Variants in ASS1 observed in about 807,000 individuals in gnomAD.
ASS1 encodes the protein argininosuccinate synthase.
ASS1 carries 58 observed loss-of-function variants against 60.5 expected under a neutral mutation model. The ratio of observed to expected loss-of-function variants is 0.96; its 90% CI spans 0.78 to 1.19. The LOEUF (loss-of-function observed/expected upper bound fraction) is 1.19. Ranked by LOEUF, ASS1 falls within the 50% of genes most tolerant of loss-of-function variation. The pLI is 0.00. For synonymous variants in ASS1, 200 were observed against 206.9 expected (o/e 0.97, Z 0.29); for missense variants, 454 against 547.3 (o/e 0.83, Z 1.70).
chr9:130,500,986 TATC>T lies in ASS1; in HGVS notation c.1208_1210del (p.His403del). 1 of 1,613,826 alleles carries T rather than the reference TATC, an allele frequency of 6.2e-7. No individual in the cohort carries two copies. The highest frequency in any genetic ancestry group is 2.2e-5 in the East Asian group (1 of 44,872). On this transcript the variant is annotated inframe_deletion, in exon 15 of 15. Transcript: ENST00000352480. ...GAATCTGGTTTACAGGCTGAAGGAA[TATC>T]ATCGTCTCCAGAGCAAGGTCACTGC...
chr9:130,445,990 T>G (rs1227094250), intron 1 of ASS1, among the ~76,000 whole-genome samples: 2 of 152,184 alleles, frequency 1.3e-5, no homozygotes, highest in Non-Finnish European at 2.9e-5. Context: ...AGCCTCCAGA[T>G]TCCCAAGCTT....
In ASS1 at chr9:130,452,307, C is replaced by A. The variant is rs543339767; in HGVS notation, c.79C>A (p.Gln27Lys). The A allele has an allele frequency of 7.4e-6, 12 of 1,614,122 alleles. No individual in the cohort carries two copies. The East Asian group carries it at 2.2e-4, about 30-fold the overall frequency. ...GTGCATCCTCGTGTGGCTGAAGGAA[C>A]AAGGCTATGACGTCATTGCCTATCT... ...TSCILVWLKE[Q>K]GYDVIAYLAN... is the part of the protein sequence containing the mutation. Residue 27 changes from glutamine (Q) to lysine (K), a missense_variant, in exon 2 of 15, where the codon CAA becomes AAA. Gln to Lys is a moderately conservative substitution (Grantham distance 53, BLOSUM62 1). Transcript: ENST00000352480.
chr9:130,452,407 G>C lies in ASS1; in HGVS notation c.105+74G>C, dbSNP rs10122141. ...TCCTGTCTGCCCCCTGCCAGCCTCT[G>C]TCTGGGTTGTCAGCCTGTCTGCTCA... is the stretch of plus-strand genomic sequence containing the variant. On this transcript the variant is annotated intron_variant, in intron 2 of 14. Transcript: ENST00000352480. 7.4e-3 allele frequency: 9,946 copies of C among 1,338,482 alleles called. 482 individuals carry two copies. The African/African-American group carries it at 0.11, about 14-fold the overall frequency. 82.9% of individuals were successfully genotyped at this position (1,338,482 alleles called of 1,614,324 possible).
intron 1 of ASS1, among the ~76,000 whole-genome samples, chr9:130,446,950 AC>A (rs1478830542): frequency 6.6e-6 from 1 of 152,232 alleles, no homozygotes; most frequent in Non-Finnish European, 1.5e-5. Flanking sequence ...CTTGGGGTCG[AC>A]CAGGCACCCA....
At position 130,458,453 on chromosome 9, in the gene ASS1, C is replaced by T; in HGVS notation, c.227C>T (p.Ala76Val). The part of the protein sequence containing the change: ...REFVEEFIWP[A>V]IQSSALYEDR... ...TTTGTGGAGGAGTTCATCTGGCCGG[C>T]CATCCAGTCCAGCGCACTGTATGAG... Residue 76 changes from alanine (A) to valine (V), a missense_variant, in exon 4 of 15, where the codon GCC becomes GTC. By Grantham distance (64) the Ala-to-Val change is moderately conservative (BLOSUM62 0). Transcript: ENST00000352480. 1 of 1,612,164 alleles carries T rather than the reference C, an allele frequency of 6.2e-7. No individual in the cohort carries two copies. The highest frequency in any genetic ancestry group is 8.5e-7 in the Non-Finnish European group (1 of 1,179,862).
intron 2 of ASS1, among the ~76,000 whole-genome samples, chr9:130,453,513 G>A (rs1157115117): frequency 1.3e-5 from 2 of 152,242 alleles, no homozygotes; most frequent in Non-Finnish European, 2.9e-5. Flanking sequence ...GCTTTGAGGG[G>A]CTGCAAAGAG....
Position 130,476,998 on chromosome 9 carries a change from C to T in ASS1, c.688+37C>T, listed in dbSNP as rs1564154537. The stretch of plus-strand genomic sequence containing the variant: ...CCTGTTGGGACTCGAAGGGGGTTGA[C>T]TTTTGGGGCCCTGGCTCCTTTCCCC... On this transcript the variant is annotated intron_variant, in intron 9 of 14. Transcript: ENST00000352480. The surrounding 1 kb of genome is among the most constrained non-coding windows in gnomAD (Gnocchi z 4.9). The T allele has an allele frequency of 6.3e-7, 1 of 1,590,060 alleles. No individual in the cohort carries two copies. Among genetic ancestry groups the T allele is most frequent in the Non-Finnish European group, 8.6e-7 (1 of 1,158,340 alleles).
At chr9:130,498,035 G>A (rs972862676) in intron 13 of ASS1, among the ~76,000 whole-genome samples, 2 of 152,064 alleles carry the variant, frequency 1.3e-5, no homozygotes, top group African/African-American at 4.8e-5. Context: ...ACATCAAGGA[G>A]GTACAGGAGC....
At chr9:130,468,270 G>A (rs1269889277) in intron 6 of ASS1, among the ~76,000 whole-genome samples, 3 of 152,156 alleles carry the variant, frequency 2.0e-5, no homozygotes, top group Non-Finnish European at 4.4e-5. Flanking sequence ...CTGCTTTCAA[G>A]ACGCTTCGGT....
rs192471968 is a variant in ASS1, at chr9:130,459,185, C to A, written c.363+596C>A. On this transcript the variant is annotated intron_variant, in intron 4 of 14. Coordinates refer to ENST00000352480, the MANE Select transcript of ASS1 (RefSeq NM_054012.4). The surrounding 1 kb of genome is among the most constrained non-coding windows in gnomAD (Gnocchi z 4.6). ...CATAGTGAGGGCATGGGCAGGGCCA[C>A]GCAGCCTCTGAAGGTGCCAGGAAGC... Among the ~76,000 whole-genome samples the A allele has an allele frequency of 1.4e-3, 212 of 152,292 alleles. No homozygotes were observed. The highest frequency in any genetic ancestry group is 4.7e-3 in the African/African-American group (194 of 41,550).
At chr9:130,483,125 G>C (rs1354828754) in intron 11 of ASS1, among the ~76,000 whole-genome samples, 1 of 152,154 alleles carries the variant, frequency 6.6e-6, no homozygotes, top group Non-Finnish European at 1.5e-5. Context: ...TATTTCATGT[G>C]AGAAGGAAAG....
chr9:130,445,388 G>C (rs1182007099), intron 1 of ASS1, among the ~76,000 whole-genome samples: 1 of 152,170 alleles, frequency 6.6e-6, no homozygotes, highest in African/African-American at 2.4e-5. Context: ...CGTGTGGGGG[G>C]GCTCCCGATT....
At chr9:130,460,022 G>C (rs76320085) in intron 4 of ASS1, among the ~76,000 whole-genome samples, 1 of 152,190 alleles carries the variant, frequency 6.6e-6, no homozygotes, top group Non-Finnish European at 1.5e-5. Context: ...CTCAGTCAGC[G>C]GACAGCATGC....
In ASS1 at chr9:130,476,737, G is replaced by A. The variant is rs1295409841; in HGVS notation, c.598-134G>A. On this transcript the variant is annotated intron_variant, in intron 8 of 14. Coordinates refer to ENST00000352480, the MANE Select transcript of ASS1 (RefSeq NM_054012.4). This position sits in a 1 kb window ranked among gnomAD's most constrained non-coding sequence, Gnocchi z 4.9. ...GGTGCTAGGCTGAGGGCTGGGGACCGGGGGATCTGCCGGACCCCACCAGCT... is the reference window on the plus strand; with the variant it reads ...GGTGCTAGGCTGAGGGCTGGGGACCAGGGGATCTGCCGGACCCCACCAGCT... The A allele has an allele frequency of 7.0e-6, 6 of 858,794 alleles. No homozygotes were observed. The highest frequency in any genetic ancestry group is 1.7e-5 in the Admixed American group (1 of 57,190). 53.2% of individuals were successfully genotyped at this position (858,794 alleles called of 1,614,324 possible).
chr9:130,465,885 A>G (rs1845728345), intron 5 of ASS1, among the ~76,000 whole-genome samples: 1 of 152,162 alleles, frequency 6.6e-6, no homozygotes, highest in Non-Finnish European at 1.5e-5. Context: ...TTCCCACAGC[A>G]GCTTGTGGGG....
At chr9:130,453,686 C>T (rs943417402) in intron 2 of ASS1, among the ~76,000 whole-genome samples, 19 of 152,138 alleles carry the variant, frequency 1.2e-4, no homozygotes, top group Admixed American at 2.0e-4. Flanking sequence ...TCTGGTGAGC[C>T]GAATGAAGGG....
chr9:130,472,461 GCT>G (rs1362885278), intron 8 of ASS1, among the ~76,000 whole-genome samples: 3 of 152,160 alleles, frequency 2.0e-5, no homozygotes, highest in Admixed American at 6.5e-5. Context: ...CATTGTCCTG[GCT>G]CAGTTCCTAG....
rs1846408793 is a variant in ASS1 at position 130,489,916 on chromosome 9, G to A, written c.970+452G>A. 6.6e-6 allele frequency among the ~76,000 whole-genome samples: 1 copy of A among 152,242 alleles called. No homozygotes were observed. The highest frequency in any genetic ancestry group is 2.4e-5 in the African/African-American group (1 of 41,462). ...TGGCCTAGCTGGGTTTGACCCCCAAGTCAGGCTGTCTCCAGGAAGAACCTG... is the reference window on the plus strand; with the variant it reads ...TGGCCTAGCTGGGTTTGACCCCCAAATCAGGCTGTCTCCAGGAAGAACCTG... On this transcript the variant is annotated intron_variant, in intron 12 of 14. Transcript: ENST00000352480. This position sits in a 1 kb window ranked among gnomAD's most constrained non-coding sequence, Gnocchi z 4.1.
intron 4 of ASS1, among the ~76,000 whole-genome samples, chr9:130,458,875 C>T (rs1359946854): frequency 6.6e-6 from 1 of 152,222 alleles, no homozygotes; most frequent in Non-Finnish European, 1.5e-5. Context: ...GGACATTGTC[C>T]AAGGTCGCAT....
Sources: allele counts gnomAD v4.1 joint callset (sites outside exome capture counted in the v4.1 genomes callset), GRCh38; gene constraint gnomAD v4.1.1; non-coding constraint Gnocchi (gnomAD v3.1); transcripts MANE v1.5; gene names NCBI Gene and HGNC (gene_info 2026-07-23, HGNC 2026-07-21).